The following MAML2 variants were observed in gnomAD, a reference collection of about 807,000 sequenced individuals.
The protein encoded by MAML2 is mastermind like transcriptional coactivator 2, also known as mastermind-like protein 2.
Under a neutral mutation model 96.1 loss-of-function variants are expected in MAML2, and 22 were observed. That is an observed-to-expected ratio of 0.23 (90% CI 0.16 to 0.33). The LOEUF (loss-of-function observed/expected upper bound fraction) is 0.33, where lower values mean the gene tolerates loss of function less well. Among genes scored for constraint, MAML2 ranks in the 10% least tolerant of loss-of-function variants. The pLI is 1.00. For missense variants in MAML2, 1,367 were observed against 1,392.4 expected (o/e 0.98, Z 0.29); for synonymous variants, 561 against 521.3 (o/e 1.08, Z -1.04).
chr11:96,240,872 A>T (rs942252518), intron 1 of MAML2, among the ~76,000 whole-genome samples: 15 of 152,240 alleles, frequency 9.9e-5, no homozygotes, highest in African/African-American at 3.4e-4. Flanking sequence ...AACTTAAAAA[A>T]GTTATAATTA....
intron 2 of MAML2, among the ~76,000 whole-genome samples, chr11:96,008,124 T>C (rs966253455): frequency 1.3e-5 from 2 of 152,212 alleles, no homozygotes. Flanking sequence ...GTCAGTTCAA[T>C]ATAATATATA....
Position 96,288,300 on chromosome 11 carries a change from G to A in MAML2, c.513+53083C>T, listed in dbSNP as rs73531125. On this transcript the variant is annotated intron_variant, in intron 1 of 4. Coordinates refer to ENST00000524717, the MANE Select transcript of MAML2 (RefSeq NM_032427.4). ...AGAACAAGGTATAAAACAGATAAAT[G>A]GGAGGTCGAGGCGGGTGGATCACCT... Among the ~76,000 whole-genome samples the A allele has an allele frequency of 4.6e-3, 699 of 152,216 alleles. 4 individuals are homozygous for A. The highest frequency in any genetic ancestry group is 0.016 in the African/African-American group (665 of 41,558).
intron 2 of MAML2, among the ~76,000 whole-genome samples, chr11:96,087,113 T>C (rs1291550509): frequency 2.0e-5 from 3 of 152,148 alleles, no homozygotes; most frequent in Non-Finnish European, 2.9e-5. Context: ...TCCTCACCTG[T>C]GAAAAACGGT....
Position 95,977,745 on chromosome 11 carries a change from C to T in MAML2, c.*1203G>A, listed in dbSNP as rs530445529. The T allele has an allele frequency of 4.5e-6, 1 of 224,062 alleles. No individual in the cohort carries two copies. Among genetic ancestry groups the T allele is most frequent in the South Asian group, 1.8e-4 (1 of 5,432 alleles). 13.9% of individuals were successfully genotyped at this position (224,062 alleles called of 1,614,324 possible). On this transcript the variant is annotated 3_prime_UTR_variant, in exon 5 of 5. Transcript: ENST00000524717. ...GTCCATCTAGCATGTGGCAATGATTCATCACATCAGGGACAAAAGAACAAA... is the reference window on the plus strand; with the variant it reads ...GTCCATCTAGCATGTGGCAATGATTTATCACATCAGGGACAAAAGAACAAA...
At chr11:96,044,745 T>C (rs1197909054) in intron 2 of MAML2, among the ~76,000 whole-genome samples, 1 of 152,244 alleles carries the variant, frequency 6.6e-6, no homozygotes, top group Non-Finnish European at 1.5e-5. Flanking sequence ...TTTTTCTGAC[T>C]GTACAATTTT....
intron 1 of MAML2, among the ~76,000 whole-genome samples, chr11:96,147,371 C>T (rs539781599): frequency 1.1e-4 from 16 of 152,266 alleles, no homozygotes; most frequent in African/African-American, 3.8e-4. Context: ...TTTATACTTC[C>T]TGCACTTATC....
intron 1 of MAML2, among the ~76,000 whole-genome samples, chr11:96,264,884 T>G (rs1862805113): frequency 6.6e-6 from 1 of 152,224 alleles, no homozygotes; most frequent in Non-Finnish European, 1.5e-5. Context: ...AGAACACATT[T>G]AATACCCTAG....
chr11:96,254,293 C>T (rs1354156267), intron 1 of MAML2, among the ~76,000 whole-genome samples: 1 of 151,780 alleles, frequency 6.6e-6, no homozygotes. Flanking sequence ...CCTTTGTTGC[C>T]GGACGTGAGA....
chr11:96,002,856 G>A (rs191400497), intron 2 of MAML2, among the ~76,000 whole-genome samples: 90 of 139,548 alleles, frequency 6.4e-4, no homozygotes, highest in African/African-American at 2.3e-3. Flanking sequence ...GAGGATGATG[G>A]GGATGATGAA....
intron 1 of MAML2, among the ~76,000 whole-genome samples, chr11:96,172,616 A>G (rs1484836199): frequency 6.6e-6 from 1 of 152,252 alleles, no homozygotes; most frequent in East Asian, 1.9e-4. Flanking sequence ...CTTGAAATCA[A>G]TGACATGAAA....
At chr11:96,274,361 C>T (rs1862958322) in intron 1 of MAML2, among the ~76,000 whole-genome samples, 1 of 152,062 alleles carries the variant, frequency 6.6e-6, no homozygotes, top group African/African-American at 2.4e-5. Context: ...GGAATACAGG[C>T]GTGAGCCACC....
intron 1 of MAML2, among the ~76,000 whole-genome samples, chr11:96,328,589 G>T (rs1010223109): frequency 6.6e-6 from 1 of 152,174 alleles, no homozygotes; most frequent in Non-Finnish European, 1.5e-5. Flanking sequence ...GACTGGAAGA[G>T]CTGTGCTCTA....
At chr11:96,048,669 T>G (rs552578597) in intron 2 of MAML2, among the ~76,000 whole-genome samples, 1 of 152,324 alleles carries the variant, frequency 6.6e-6, no homozygotes, top group East Asian at 1.9e-4. Flanking sequence ...AAACTGTTAT[T>G]CTATCTGACA....
intron 1 of MAML2, among the ~76,000 whole-genome samples, chr11:96,325,740 CAATA>C (rs1380103229): frequency 6.6e-6 from 1 of 152,022 alleles, no homozygotes; most frequent in Non-Finnish European, 1.5e-5. Context: ...AAAATGATCA[CAATA>C]GCTCCAAGGC....
rs1202447330 is a variant in MAML2, at chr11:95,979,563, T to A, written c.2856A>T (p.Thr952=). Residue 952 remains threonine (T), a synonymous_variant, in exon 5 of 5, where the codon ACA becomes ACT. Coordinates refer to ENST00000524717, the MANE Select transcript of MAML2 (RefSeq NM_032427.4). ...HSMASMPPQR[T]SNVMITSNTT... ...TGTTGGATGTGATCATTACGTTTGA[T>A]GTTCTCTGTGGTGGCATGCTTGCCA... The A allele has an allele frequency of 7.4e-6, 12 of 1,613,950 alleles. 1 individual carries two copies. In the South Asian group the frequency reaches 7.7e-5, roughly 10 times the overall value.
At chr11:96,272,163 C>G (rs900797807) in intron 1 of MAML2, among the ~76,000 whole-genome samples, 5 of 151,516 alleles carry the variant, frequency 3.3e-5, no homozygotes, top group Admixed American at 6.6e-5. Flanking sequence ...CACCATCCAA[C>G]ATCCTATGCA....
chr11:96,330,757 T>C (rs1863843241), intron 1 of MAML2, among the ~76,000 whole-genome samples: 1 of 152,186 alleles, frequency 6.6e-6, no homozygotes, highest in Admixed American at 6.5e-5. Flanking sequence ...TAGACTGGCT[T>C]CCTTACATGT....
At chr11:96,336,884 A>G (rs1863926516) in intron 1 of MAML2, among the ~76,000 whole-genome samples, 1 of 152,258 alleles carries the variant, frequency 6.6e-6, no homozygotes, top group Non-Finnish European at 1.5e-5. Flanking sequence ...TACGATTTAG[A>G]AACATTTGAT....
chr11:96,094,457 A>C (rs1035590158), intron 1 of MAML2, among the ~76,000 whole-genome samples: 13 of 152,242 alleles, frequency 8.5e-5, no homozygotes, highest in African/African-American at 2.9e-4. Flanking sequence ...TTACAGTAAC[A>C]ACTCAATAAA....
Sources: allele counts gnomAD v4.1 joint callset (sites outside exome capture counted in the v4.1 genomes callset), GRCh38; gene constraint gnomAD v4.1.1; transcripts MANE v1.5; gene names NCBI Gene and HGNC (gene_info 2026-07-23, HGNC 2026-07-21).